SRBD1: variants seen among roughly 807,000 people sequenced by gnomAD.
The protein encoded by SRBD1 is S1 RNA-binding domain-containing protein 1.
Under a neutral mutation model 115.3 loss-of-function variants are expected in SRBD1, and 88 were observed. That is an observed-to-expected ratio of 0.76 (90% CI 0.64 to 0.91). The LOEUF is 0.91. SRBD1 is among the 40% of genes least tolerant of loss of function. The probability of loss-of-function intolerance (pLI) is 0.00; values close to 1 mark genes in which losing one functional copy is unlikely to be tolerated. For synonymous variants in SRBD1, 509 were observed against 407.7 expected (o/e 1.25, Z -2.99); for missense variants, 1,385 against 1,177.4 (o/e 1.18, Z -2.58).
chr2:45,452,051 T>C (rs935453436), intron 16 of SRBD1, among the ~76,000 whole-genome samples: 11 of 151,912 alleles, frequency 7.2e-5, no homozygotes, highest in African/African-American at 2.7e-4. Flanking sequence ...GTTACTTAAA[T>C]ATAAAAACAA....
chr2:45,547,635 G>A (rs1672163836), intron 12 of SRBD1, 23 bp from the exon 13 acceptor site: 1 of 1,574,982 alleles, frequency 6.3e-7, no homozygotes, highest in Admixed American at 1.8e-5. Context: ...AAAAGAATAA[G>A]CCATTTTATA....
At chr2:45,448,158 A>G (rs1668883877) in intron 16 of SRBD1, 1 of 152,184 alleles carries the variant, frequency 6.6e-6, no homozygotes, top group South Asian at 2.1e-4. Flanking sequence ...TTAGTTATCA[A>G]TATTAAGAGC....
In SRBD1 at chr2:45,389,113, C is replaced by T. The variant is rs922296315; in HGVS notation, c.*197G>A. On this transcript the variant is annotated 3_prime_UTR_variant, in exon 21 of 21. Transcript: ENST00000263736. Reference sequence around the variant, plus strand: ...TATAAGAATGTGTATTAGTTGTTTCCTTTAAGGGAAAAGGAAATCAAACTG... The same window carrying T: ...TATAAGAATGTGTATTAGTTGTTTCTTTTAAGGGAAAAGGAAATCAAACTG... 1.5e-5 allele frequency: 10 copies of T among 661,054 alleles called. No individual in the cohort carries two copies. Among genetic ancestry groups the T allele is most frequent in the Non-Finnish European group, 2.2e-5 (9 of 403,854 alleles). 40.9% of individuals were successfully genotyped at this position (661,054 alleles called of 1,614,324 possible).
In SRBD1 at chr2:45,546,748, G is replaced by A; in HGVS notation, c.1858C>T (p.Leu620=). 6.2e-7 allele frequency: 1 copy of A among 1,614,080 alleles called. No individual in the cohort carries two copies. Among genetic ancestry groups the A allele is most frequent in the Non-Finnish European group, 8.5e-7 (1 of 1,179,960 alleles). ...DLIMKNYFAP[L]DVVYCIVSEA... ...TAGCCTTACCAGTAAACAACATCCA[G>A]TGGTGCAAAATAATTCTTCATTATC... The change falls in exon 14 of 21, where the codon CTG becomes TTG. Residue 620 remains leucine (L), a synonymous_variant. Transcript: ENST00000263736.
rs1325729475 is a variant in SRBD1, at chr2:45,425,236, T to C, written c.2050-5342A>G. On this transcript the variant is annotated intron_variant, in intron 16 of 20. Transcript: ENST00000263736. Reference sequence around the variant, plus strand: ...ACTGAGACAATGAAAACTATCACCATACTATCAAAACTCCTTGAGATTTTA... The same window carrying C: ...ACTGAGACAATGAAAACTATCACCACACTATCAAAACTCCTTGAGATTTTA... 2.6e-5 allele frequency among the ~76,000 whole-genome samples: 4 copies of C among 152,318 alleles called. No homozygotes were observed. The East Asian group carries it at 7.7e-4, about 29-fold the overall frequency.
At chr2:45,510,745 G>GTAGC (rs1386017626) in intron 14 of SRBD1, among the ~76,000 whole-genome samples, 6 of 152,200 alleles carry the variant, frequency 3.9e-5, no homozygotes, top group Non-Finnish European at 7.3e-5. Context: ...AATCCAAAGA[G>GTAGC]TAGCTACCAA....
intron 14 of SRBD1, among the ~76,000 whole-genome samples, chr2:45,545,282 T>TCAAAAA (rs1328268661): frequency 3.7e-5 from 1 of 26,778 alleles, no homozygotes; most frequent in Admixed American, 5.9e-4. Flanking sequence ...TCTGTCTCAA[T>TCAAAAA]TAAAAAAAAA....
chr2:45,581,331 C>G (rs934304677), intron 6 of SRBD1, among the ~76,000 whole-genome samples: 1 of 152,138 alleles, frequency 6.6e-6, no homozygotes, highest in African/African-American at 2.4e-5. Flanking sequence ...ACAAACACTT[C>G]TTGAGTTCTT....
In SRBD1 at chr2:45,562,639, A is replaced by G. The variant is rs1341062798; in HGVS notation, c.1409+14T>C. The G allele has an allele frequency of 6.4e-7, 1 of 1,564,452 alleles. No homozygotes were observed. Among genetic ancestry groups the G allele is most frequent in the East Asian group, 2.3e-5 (1 of 44,292 alleles). ...AAGAAACAAAGAAAATTCTGTAAAT[A>G]TCTGTAAACAGACCTGTTTTGGATG... is the stretch of plus-strand genomic sequence containing the variant. On this transcript the variant is annotated intron_variant, in intron 10 of 20. Transcript: ENST00000263736.
intron 10 of SRBD1, among the ~76,000 whole-genome samples, chr2:45,562,009 T>G (rs951326830): frequency 1.3e-5 from 2 of 152,210 alleles, no homozygotes; most frequent in African/African-American, 4.8e-5. Context: ...AGTTTATTTT[T>G]GCAAGGGAAA....
At chr2:45,393,184 T>A (rs1667054256) in intron 19 of SRBD1, 55 bp from the exon 20 acceptor site, 1 of 1,517,548 alleles carries the variant, frequency 6.6e-7, no homozygotes, top group Admixed American at 2.0e-5. Context: ...CCTTTTGCAA[T>A]CTCCTTATAC....
intron 16 of SRBD1, among the ~76,000 whole-genome samples, chr2:45,426,896 C>A (rs1158090825): frequency 6.6e-6 from 1 of 152,192 alleles, no homozygotes; most frequent in Non-Finnish European, 1.5e-5. Context: ...TGAGGAAAAA[C>A]CAGCACAAAA....
chr2:45,605,355 T>A lies in SRBD1; in HGVS notation c.80+7A>T. Reference sequence around the variant, plus strand: ...CCCCTACCCACATATTAAACCAGTATGCTTACAACTCAGAGAATGAAGAAA... The same window carrying A: ...CCCCTACCCACATATTAAACCAGTAAGCTTACAACTCAGAGAATGAAGAAA... On this transcript the variant is annotated splice_region_variant and intron_variant, in intron 2 of 20. Transcript: ENST00000263736. 6.2e-7 allele frequency: 1 copy of A among 1,611,390 alleles called. No homozygotes were observed. The highest frequency in any genetic ancestry group is 8.5e-7 in the Non-Finnish European group (1 of 1,178,610).
chr2:45,552,711 C>CAATA (rs1387405087), intron 11 of SRBD1, among the ~76,000 whole-genome samples: 1 of 152,100 alleles, frequency 6.6e-6, no homozygotes, highest in East Asian at 1.9e-4. Flanking sequence ...CTAAAAGGAA[C>CAATA]AATATTTTTA....
intron 14 of SRBD1, among the ~76,000 whole-genome samples, chr2:45,490,056 A>G (rs1670247151): frequency 6.6e-6 from 1 of 152,162 alleles, no homozygotes; most frequent in South Asian, 2.1e-4. Flanking sequence ...TTCAGAGACC[A>G]GCTTCAAAAT....
chr2:45,556,858 G>GC (rs1484802099), intron 10 of SRBD1, among the ~76,000 whole-genome samples: 2 of 152,116 alleles, frequency 1.3e-5, no homozygotes, highest in African/African-American at 4.8e-5. Flanking sequence ...TCATTGAATT[G>GC]TTGTGAGTTA....
chr2:45,557,239 G>A (rs770527294), intron 10 of SRBD1, among the ~76,000 whole-genome samples: 9 of 152,192 alleles, frequency 5.9e-5, no homozygotes, highest in Non-Finnish European at 8.8e-5. Flanking sequence ...GGAGCCTGAC[G>A]AGGTAGGAGA....
chr2:45,408,971 C>T (rs1227675243), intron 19 of SRBD1, among the ~76,000 whole-genome samples: 3 of 152,072 alleles, frequency 2.0e-5, no homozygotes, highest in African/African-American at 4.8e-5. Flanking sequence ...GCCTATAATC[C>T]CAGCACTTTG....
intron 14 of SRBD1, among the ~76,000 whole-genome samples, chr2:45,498,499 A>G (rs763720701): frequency 3.2e-4 from 48 of 152,170 alleles, no homozygotes; most frequent in Admixed American, 3.9e-4. Flanking sequence ...AAATCAGGGT[A>G]TAAGTGGGAT....
Sources: allele counts gnomAD v4.1 joint callset (sites outside exome capture counted in the v4.1 genomes callset), GRCh38; gene constraint gnomAD v4.1.1; transcripts MANE v1.5; gene names NCBI Gene and HGNC (gene_info 2026-07-23, HGNC 2026-07-21).